The following AKR1C2 variants were observed in gnomAD, a reference collection of about 807,000 sequenced individuals.
The protein encoded by AKR1C2 is aldo-keto reductase family 1 member C2, also known as 3-alpha-HSD3.
Under a neutral mutation model 39.8 loss-of-function variants are expected in AKR1C2, and 27 were observed. That is an observed-to-expected ratio of 0.68 (90% CI 0.50 to 0.93). The LOEUF is 0.93. Among genes scored for constraint, AKR1C2 ranks in the 40% least tolerant of loss-of-function variants. The probability of loss-of-function intolerance (pLI) is 0.00; values close to 1 mark genes in which losing one functional copy is unlikely to be tolerated. For synonymous variants in AKR1C2, 114 were observed against 137.9 expected (o/e 0.83, Z 1.22); for missense variants, 263 against 365.1 (o/e 0.72, Z 2.28).
At chr10:5,011,036 A>G (rs1190886673) in intron 1 of AKR1C2, among the ~76,000 whole-genome samples, 1 of 95,802 alleles carries the variant, frequency 1.0e-5, no homozygotes, top group Non-Finnish European at 2.3e-5. Flanking sequence ...AGCTTCTGTA[A>G]AGCAAAAAAA....
chr10:5,007,885 A>C (rs568410474), upstream of AKR1C2, among the ~76,000 whole-genome samples: 1 of 151,738 alleles, frequency 6.6e-6, no homozygotes, highest in South Asian at 2.1e-4. Flanking sequence ...GAGAAGAGGA[A>C]GAGGCTTCAT....
intron 5 of AKR1C2, among the ~76,000 whole-genome samples, chr10:4,997,604 G>T (rs1213677923): frequency 1.3e-5 from 2 of 151,864 alleles, no homozygotes; most frequent in East Asian, 1.9e-4. Flanking sequence ...GGTAACATGG[G>T]TCTCCAGTAT....
intron 1 of AKR1C2, among the ~76,000 whole-genome samples, chr10:5,003,467 C>A (rs1837331592): frequency 1.3e-5 from 2 of 151,278 alleles, no homozygotes; most frequent in Admixed American, 6.6e-5. Context: ...AACAGAGAAA[C>A]CACTCCCATT....
In AKR1C2 at chr10:4,998,736, C is replaced by T. The variant is rs1554773450; in HGVS notation, c.459G>A (p.Lys153=). 1 of 1,614,156 alleles carries T rather than the reference C, an allele frequency of 6.2e-7. No individual in the cohort carries two copies. Among genetic ancestry groups the T allele is most frequent in the Non-Finnish European group, 8.5e-7 (1 of 1,180,024 alleles). ...ACTTGGCCAATCCTGCATCTTTACA[C>T]TTCTCCATGGCCTGGGAAAAAGGAA... is the stretch of plus-strand genomic sequence containing the variant. ...DLCATWEAME[K]CKDAGLAKSI... Residue 153 remains lysine (K), a synonymous_variant, in exon 5 of 9, where the codon AAG becomes AAA. Transcript: ENST00000380753.
Position 5,001,429 on chromosome 10 carries a change from C to T in AKR1C2, c.252+85G>A, listed in dbSNP as rs1308191803. The T allele has an allele frequency of 5.2e-6, 8 of 1,530,296 alleles. No homozygotes were observed. In the East Asian group the frequency reaches 1.1e-4, roughly 22 times the overall value. 94.8% of individuals were successfully genotyped at this position (1,530,296 alleles called of 1,614,324 possible). A position where few individuals can be genotyped will look rare whatever the true frequency, so the allele number is the denominator to read the frequency against. ...GAAATAAATAAGCACAATTCACCCT[C>T]AACTATGGATCCAGTCATAGAACTG... On this transcript the variant is annotated intron_variant, in intron 2 of 8. Coordinates refer to ENST00000380753, the MANE Select transcript of AKR1C2 (RefSeq NM_001393392.1).
chr10:5,001,619 A>G lies in AKR1C2; in HGVS notation c.147T>C (p.Ile49=), dbSNP rs1554773835. 6.2e-7 allele frequency: 1 copy of G among 1,614,010 alleles called. No individual in the cohort carries two copies. The highest frequency in any genetic ancestry group is 8.5e-7 in the Non-Finnish European group (1 of 1,179,902). Residue 49 remains isoleucine, a synonymous_variant, in exon 2 of 9, where the codon ATT becomes ATC. Transcript: ENST00000380753. Reference sequence around the variant, plus strand: ...CATTATTGTAAACATGTGCAGAATCAATATGGTGGAACCCGGCTTCTATTG... The same window carrying G: ...CATTATTGTAAACATGTGCAGAATCGATATGGTGGAACCCGGCTTCTATTG... ...KLAIEAGFHH[I]DSAHVYNNEE...
At chr10:4,997,983 G>A (rs1837119525) in intron 5 of AKR1C2, among the ~76,000 whole-genome samples, 4 of 152,180 alleles carry the variant, frequency 2.6e-5, no homozygotes, top group South Asian at 4.1e-4. Context: ...TAGGAGCGGG[G>A]CAGTCATAGG....
upstream of AKR1C2, among the ~76,000 whole-genome samples, chr10:5,007,004 C>A (rs185417595): frequency 3.5e-3 from 528 of 148,758 alleles, 8 homozygotes; most frequent in Admixed American, 0.032. Context: ...TATTTCTTGA[C>A]CTTGTGATCC....
upstream of AKR1C2, chr10:5,006,334 G>A (rs1837401346): frequency 6.6e-6 from 1 of 152,330 alleles, no homozygotes; most frequent in South Asian, 2.1e-4. Context: ...CAGACAAAGA[G>A]ATAATCTTTA....
At chr10:5,013,335 T>C (rs558952781) in intron 1 of AKR1C2, 34 of 152,352 alleles carry the variant, frequency 2.2e-4, no homozygotes, top group African/African-American at 4.1e-4. Flanking sequence ...TTAATATTTA[T>C]GGAAAAGTTA....
chr10:5,017,895 C>G (rs1337621349), intron 1 of AKR1C2: 2 of 152,624 alleles, frequency 1.3e-5, no homozygotes, highest in African/African-American at 4.8e-5. Context: ...CCTCGGGAAA[C>G]TTACCATCAT....
At chr10:4,990,346 T>A (rs561859869) in intron 8 of AKR1C2, among the ~76,000 whole-genome samples, 1 of 152,266 alleles carries the variant, frequency 6.6e-6, no homozygotes, top group East Asian at 1.9e-4. Context: ...AAAGAGATAT[T>A]CTGACCTTTT....
rs782798430 is a variant in AKR1C2, at chr10:4,999,233, T to C, written c.414A>G (p.Leu138=). 7 of 1,609,030 alleles carry C rather than the reference T, an allele frequency of 4.4e-6. No homozygotes were observed. In the African/African-American group the frequency reaches 6.7e-5, roughly 15 times the overall value. ...TGGCACAGAGATCCACTGTGTCAAATAGTATTTTTCCATTTTCATCTTTTG... is the reference window on the plus strand; with the variant it reads ...TGGCACAGAGATCCACTGTGTCAAACAGTATTTTTCCATTTTCATCTTTTG... ...VIPKDENGKI[L]FDTVDLCATW... is the part of the protein sequence containing the mutation. Residue 138 remains leucine (L), a synonymous_variant, in exon 4 of 9, where the codon CTA becomes CTG. Coordinates refer to ENST00000380753, the MANE Select transcript of AKR1C2 (RefSeq NM_001393392.1).
At chr10:5,000,782 A>G in intron 2 of AKR1C2, 116 bp from the exon 3 acceptor site, 1 of 830,830 alleles carries the variant, frequency 1.2e-6, no homozygotes, top group Non-Finnish European at 2.0e-6. Context: ...CCACAGGCAA[A>G]ATTATTCTCT....
At chr10:5,001,486 G>A in intron 2 of AKR1C2, 28 bp downstream of exon 2, 1 of 1,604,058 alleles carries the variant, frequency 6.2e-7, no homozygotes, top group African/African-American at 1.3e-5. Flanking sequence ...AAATACATGT[G>A]CACACAAGCT....
At chr10:5,003,886 A>G (rs368648698), upstream of AKR1C2, 2 of 1,603,492 alleles carry the variant, frequency 1.2e-6, no homozygotes, top group African/African-American at 2.7e-5. Context: ...CACAGGCTAT[A>G]AGAGCAATGA....
In AKR1C2 at chr10:5,001,611, G is replaced by A; in HGVS notation, c.155C>T (p.Ala52Val). Reference protein sequence around the residue: ...IEAGFHHIDSAHVYNNEEQVG... With the variant: ...IEAGFHHIDSVHVYNNEEQVG... ...CTGCTCCTCATTATTGTAAACATGT[G>A]CAGAATCAATATGGTGGAACCCGGC... The change falls in exon 2 of 9, where the codon GCA becomes GTA. Residue 52 changes from alanine to valine, a missense_variant. Transcript: ENST00000380753. 4 of 1,613,996 alleles carry A rather than the reference G, an allele frequency of 2.5e-6. No individual in the cohort carries two copies. Among genetic ancestry groups the A allele is most frequent in the Non-Finnish European group, 3.4e-6 (4 of 1,179,898 alleles).
chr10:5,009,940 C>T (rs538110437), intron 1 of AKR1C2, among the ~76,000 whole-genome samples: 40 of 143,170 alleles, frequency 2.8e-4, no homozygotes, highest in African/African-American at 8.6e-4. Context: ...TCCCCCATTC[C>T]GGCTCCCCAT....
In AKR1C2 at chr10:5,001,608, T is replaced by C. The variant is rs1452980620; in HGVS notation, c.158A>G (p.His53Arg). 6.2e-7 allele frequency: 1 copy of C among 1,613,124 alleles called. No homozygotes were observed. Among genetic ancestry groups the C allele is most frequent in the Non-Finnish European group, 8.5e-7 (1 of 1,179,568 alleles). ...AACCTGCTCCTCATTATTGTAAACATGTGCAGAATCAATATGGTGGAACCC... is the reference window on the plus strand; with the variant it reads ...AACCTGCTCCTCATTATTGTAAACACGTGCAGAATCAATATGGTGGAACCC... The part of the protein sequence containing the change: ...EAGFHHIDSA[H>R]VYNNEEQVGL... Residue 53 changes from histidine to arginine, a missense_variant, in exon 2 of 9, where the codon CAT (histidine) becomes CGT (arginine). By Grantham distance (29) the His-to-Arg change is conservative (BLOSUM62 0). This residue lies in a region of AKR1C2 where 247 missense variants were observed against 267.9 expected (regional missense o/e 0.92). Coordinates refer to ENST00000380753, the MANE Select transcript of AKR1C2 (RefSeq NM_001393392.1).
Sources: gnomAD v4.1 joint callset for allele counts (sites outside exome capture counted in the v4.1 genomes callset) on GRCh38, gnomAD v4.1.1 for gene constraint, gnomAD v4.1.1 regional missense constraint, MANE v1.5 for transcripts, NCBI Gene and HGNC (gene_info 2026-07-23, HGNC 2026-07-21) for gene names.